The following SLC8A1 variants were observed in gnomAD, a reference collection of about 807,000 sequenced individuals.
SLC8A1 encodes the protein sodium/calcium exchanger 1.
Under a neutral mutation model 68.3 loss-of-function variants are expected in SLC8A1, and 18 were observed. The ratio of observed to expected loss-of-function variants is 0.26; its 90% confidence interval spans 0.18 to 0.39. The LOEUF is 0.39. Ranked by LOEUF, SLC8A1 falls within the 10% of genes least tolerant of loss-of-function variation. The pLI is 1.00. For synonymous variants in SLC8A1, 475 were observed against 415.5 expected (o/e 1.14, Z -1.74); for missense variants, 985 against 1,156.7 (o/e 0.85, Z 2.15).
At chr2:40,172,023 A>G (rs1027045416) in intron 4 of SLC8A1, among the ~76,000 whole-genome samples, 2 of 152,144 alleles carry the variant, frequency 1.3e-5, no homozygotes, top group African/African-American at 2.4e-5. Context: ...AGATTTTCAC[A>G]CTCAGCTGCG....
rs555293660 is a variant in SLC8A1 at position 40,280,106 on chromosome 2, T to C, written c.1809-102251A>G. 2.6e-5 allele frequency among the ~76,000 whole-genome samples: 4 copies of C among 152,196 alleles called. No individual in the cohort carries two copies. In the East Asian group the frequency reaches 7.7e-4, roughly 29 times the overall value. ...GAACTTTAAACCCTAGCCTTTTAGA[T>C]AGATTTCTGCTTTTAAAGATTATCT... On this transcript the variant is annotated intron_variant, in intron 2 of 7. Transcript: ENST00000406785.
chr2:40,150,614 A>G (rs2043244399), intron 6 of SLC8A1, among the ~76,000 whole-genome samples: 1 of 152,148 alleles, frequency 6.6e-6, no homozygotes, highest in South Asian at 2.1e-4. Flanking sequence ...CCCCAGACAA[A>G]ACTGCGTTAG....
chr2:40,115,133 G>T, exon 8 of SLC8A1: 1 of 721,008 alleles, frequency 1.4e-6, no homozygotes, highest in African/African-American at 1.8e-5. Context: ...GTATGCTCTT[G>T]AAGCTGGATT....
chr2:40,190,455 G>T (rs186083396), intron 2 of SLC8A1: 2 of 152,264 alleles, frequency 1.3e-5, no homozygotes, highest in East Asian at 3.9e-4. Context: ...CATTATCCTA[G>T]TGTTTTTCTT....
chr2:40,185,037 G>A (rs1042417825), intron 2 of SLC8A1, among the ~76,000 whole-genome samples: 3 of 152,186 alleles, frequency 2.0e-5, no homozygotes, highest in Non-Finnish European at 4.4e-5. Flanking sequence ...TCAGGGAAAT[G>A]GAAATCAAAG....
exon 8 of SLC8A1, chr2:40,114,864 G>C (rs1374319725): frequency 6.5e-6 from 1 of 152,826 alleles, no homozygotes; most frequent in Non-Finnish European, 1.5e-5. Flanking sequence ...ACAAAGAAAA[G>C]CAACAACCCT....
chr2:40,383,368 T>A (rs942518761), intron 2 of SLC8A1, among the ~76,000 whole-genome samples: 1 of 152,134 alleles, frequency 6.6e-6, no homozygotes, highest in Non-Finnish European at 1.5e-5. Flanking sequence ...ATTGCTCTTA[T>A]CCTTCGCCAT....
chr2:40,392,280 A>C (rs1233247540), intron 2 of SLC8A1, among the ~76,000 whole-genome samples: 2 of 150,924 alleles, frequency 1.3e-5, no homozygotes, highest in African/African-American at 2.4e-5. Context: ...AAGCAAGAAA[A>C]CCTAAAGATC....
At chr2:40,441,433 A>G (rs1409676811) in intron 1 of SLC8A1, among the ~76,000 whole-genome samples, 1 of 152,142 alleles carries the variant, frequency 6.6e-6, no homozygotes, top group African/African-American at 2.4e-5. Context: ...ATATCGAACA[A>G]AAAAAGAGCC....
At chr2:40,182,654 G>C (rs559874934) in intron 2 of SLC8A1, among the ~76,000 whole-genome samples, 35 of 152,284 alleles carry the variant, frequency 2.3e-4, no homozygotes, top group South Asian at 1.9e-3. Flanking sequence ...CAAAGGACCT[G>C]AACATCTTCA....
intron 2 of SLC8A1, among the ~76,000 whole-genome samples, chr2:40,236,756 G>A (rs7423627): frequency 0.77 from 116,379 of 150,960 alleles, 45,460 homozygotes; most frequent in Middle Eastern, 0.84. Flanking sequence ...TCCTTCCCAT[G>A]TTTAGTGCTT....
At chr2:40,289,988 C>A (rs767343165) in intron 2 of SLC8A1, among the ~76,000 whole-genome samples, 1 of 151,872 alleles carries the variant, frequency 6.6e-6, no homozygotes, top group Non-Finnish European at 1.5e-5. Flanking sequence ...GTAGTTGGTG[C>A]TAGGAGAAGT....
intron 2 of SLC8A1, chr2:40,209,855 AGGCTT>A (rs2056250512): frequency 1.3e-5 from 2 of 152,600 alleles, no homozygotes; most frequent in South Asian, 4.1e-4. Context: ...GGGGAGAAGA[AGGCTT>A]GACTGAAGTA....
At chr2:40,244,859 G>A (rs2061657355) in intron 2 of SLC8A1, among the ~76,000 whole-genome samples, 2 of 152,152 alleles carry the variant, frequency 1.3e-5, no homozygotes, top group East Asian at 1.9e-4. Flanking sequence ...GTCCCTGCCT[G>A]AGACTGTGGG....
At chr2:40,163,244 G>T (rs374943) in intron 5 of SLC8A1, among the ~76,000 whole-genome samples, 5 of 152,118 alleles carry the variant, frequency 3.3e-5, no homozygotes, top group Non-Finnish European at 5.9e-5. Flanking sequence ...GACTGTGCCC[G>T]GCCTTGCTTA....
chr2:40,115,337 G>A (rs2035117276), exon 8 of SLC8A1: 1 of 1,614,082 alleles, frequency 6.2e-7, no homozygotes. Flanking sequence ...GGCAGGATGT[G>A]AGGAGCTTGG....
chr2:40,257,410 T>C (rs1259578032), intron 2 of SLC8A1, among the ~76,000 whole-genome samples: 4 of 151,716 alleles, frequency 2.6e-5, no homozygotes, highest in East Asian at 3.9e-4. Context: ...TTATGGAAAT[T>C]AGCTGTTTAC....
chr2:40,277,792 G>GTATA (rs750119043), intron 2 of SLC8A1, among the ~76,000 whole-genome samples: 11 of 92,174 alleles, frequency 1.2e-4, no homozygotes, highest in African/African-American at 3.3e-4. Context: ...ATATATATGT[G>GTATA]TGTATATATA....
chr2:40,459,684 T>C (rs541934495), intron 1 of SLC8A1, among the ~76,000 whole-genome samples: 7 of 152,330 alleles, frequency 4.6e-5, no homozygotes, highest in African/African-American at 1.4e-4. Context: ...ACTTTATAAG[T>C]AAGCTCTGGT....
Sources: allele counts gnomAD v4.1 joint callset (sites outside exome capture counted in the v4.1 genomes callset), GRCh38; gene constraint gnomAD v4.1.1; transcripts MANE v1.5; gene names NCBI Gene and HGNC (gene_info 2026-07-23, HGNC 2026-07-21).